Variants in CAB39 observed in about 807,000 individuals in gnomAD.
CAB39 encodes the protein calcium-binding protein 39.
Under a neutral mutation model 40.0 loss-of-function variants are expected in CAB39, and 8 were observed. That is an observed-to-expected ratio of 0.20 (90% confidence interval 0.12 to 0.36). The LOEUF (loss-of-function observed/expected upper bound fraction) is 0.36, where lower values mean the gene tolerates loss of function less well. Among genes scored for constraint, CAB39 ranks in the 10% least tolerant of loss-of-function variants. The probability of loss-of-function intolerance (pLI) is 1.00; values close to 1 mark genes in which losing one functional copy is unlikely to be tolerated. For missense variants in CAB39, 270 were observed against 401.1 expected (o/e 0.67, Z 2.79); for synonymous variants, 156 against 141.6 (o/e 1.10, Z -0.72).
Position 230,790,880 on chromosome 2 carries a change from A to G in CAB39, c.123A>G (p.Glu41=). The G allele has an allele frequency of 6.2e-7, 1 of 1,602,336 alleles. No homozygotes were observed. The highest frequency in any genetic ancestry group is 8.5e-7 in the Non-Finnish European group (1 of 1,176,826). The stretch of plus-strand genomic sequence containing the variant: ...CCTCTCTCTAAAATTAGGCTACAGA[A>G]GAAGTTTCCAAAAATCTGGTTGCCA... ...ISDKKAEKAT[E]EVSKNLVAMK... The change falls in exon 3 of 9, where the codon GAA becomes GAG. Residue 41 remains glutamate (E), a synonymous_variant. Coordinates refer to ENST00000258418, the MANE Select transcript of CAB39 (RefSeq NM_016289.4).
At chr2:230,773,776 C>T (rs1330163480) in intron 2 of CAB39, among the ~76,000 whole-genome samples, 1 of 152,068 alleles carries the variant, frequency 6.6e-6, no homozygotes, top group Non-Finnish European at 1.5e-5. Context: ...TCGAACTGAT[C>T]GTGGCAGGAG....
At chr2:230,773,977 A>G (rs774359119) in intron 2 of CAB39, among the ~76,000 whole-genome samples, 76 of 152,190 alleles carry the variant, frequency 5.0e-4, no homozygotes, top group Non-Finnish European at 9.3e-4. Flanking sequence ...CACTGTTGAC[A>G]TATCCTTACA....
At chr2:230,737,325 G>C (rs1400430329) in intron 1 of CAB39, among the ~76,000 whole-genome samples, 2 of 152,222 alleles carry the variant, frequency 1.3e-5, no homozygotes, top group East Asian at 1.9e-4. Context: ...CAAAACTTCA[G>C]TGCCTGGATT....
At chr2:230,778,400 TGTCTTCTCGA>T (rs1243096181) in intron 2 of CAB39, among the ~76,000 whole-genome samples, 1 of 152,240 alleles carries the variant, frequency 6.6e-6, no homozygotes, top group Non-Finnish European at 1.5e-5. Flanking sequence ...GTATGTGAGC[TGTCTTCTCGA>T]GTCTTCTGAA....
intron 1 of CAB39, among the ~76,000 whole-genome samples, chr2:230,748,831 A>AAAAAAAAAAAAATAT (rs1386799920): frequency 3.5e-5 from 1 of 28,510 alleles, no homozygotes; most frequent in African/African-American, 1.3e-4. Context: ...AAAAAAAAAA[A>AAAAAAAAAAAAATAT]ATATATATAT....
intron 2 of CAB39, among the ~76,000 whole-genome samples, chr2:230,769,030 TA>T (rs368842716): frequency 1.4e-3 from 212 of 152,274 alleles, no homozygotes; most frequent in African/African-American, 4.8e-3. Flanking sequence ...GTTAGCAACT[TA>T]AAATAGGTTA....
chr2:230,723,438 C>T (rs988385600), intron 1 of CAB39, among the ~76,000 whole-genome samples: 1 of 152,214 alleles, frequency 6.6e-6, no homozygotes, highest in African/African-American at 2.4e-5. Flanking sequence ...AAGCAAGTCT[C>T]TGATTCAACA....
Position 230,819,217 on chromosome 2 carries a change from G to A in CAB39, c.*513G>A, listed in dbSNP as rs192785949. ...AAATGGGAGTTTGGGGGCAGCTAAAGTTGACATGCGAATAAATTGATACTG... is the reference window on the plus strand; with the variant it reads ...AAATGGGAGTTTGGGGGCAGCTAAAATTGACATGCGAATAAATTGATACTG... On this transcript the variant is annotated 3_prime_UTR_variant, in exon 9 of 9. Transcript: ENST00000258418. The A allele has an allele frequency of 6.6e-6, 1 of 152,368 alleles. No homozygotes were observed. Among genetic ancestry groups the A allele is most frequent in the African/African-American group, 2.4e-5 (1 of 41,456 alleles). The allele number at this position is 152,368 out of a possible 1,614,324, so 9.4% of individuals were successfully genotyped here.
chr2:230,803,615 G>GACAA (rs1367576718), intron 5 of CAB39, among the ~76,000 whole-genome samples: 1 of 151,688 alleles, frequency 6.6e-6, no homozygotes, highest in Non-Finnish European at 1.5e-5. Flanking sequence ...ACCAATAACA[G>GACAA]ACAGAGAGCC....
At chr2:230,732,718 G>A (rs571263912) in intron 1 of CAB39, among the ~76,000 whole-genome samples, 2 of 152,288 alleles carry the variant, frequency 1.3e-5, no homozygotes, top group South Asian at 4.2e-4. Flanking sequence ...AGATCAGCCT[G>A]TTCTGATTAT....
chr2:230,795,820 C>G (rs1186095011), intron 4 of CAB39, among the ~76,000 whole-genome samples: 1 of 152,042 alleles, frequency 6.6e-6, no homozygotes, highest in Non-Finnish European at 1.5e-5. Flanking sequence ...CCAAAATAGT[C>G]TCATTTTTTA....
intron 1 of CAB39, among the ~76,000 whole-genome samples, chr2:230,718,545 T>A (rs1694392320): frequency 6.6e-6 from 1 of 152,212 alleles, no homozygotes; most frequent in Admixed American, 6.5e-5. Flanking sequence ...TGCTGTGGGC[T>A]CTATAACCTT....
At chr2:230,803,735 G>A (rs140160096) in intron 5 of CAB39, among the ~76,000 whole-genome samples, 3,415 of 152,234 alleles carry the variant, frequency 0.022, 126 homozygotes, top group African/African-American at 0.077. Flanking sequence ...ACAAACCACT[G>A]CTCAACGAAA....
At chr2:230,735,059 G>A (rs79146585) in intron 1 of CAB39, among the ~76,000 whole-genome samples, 155 of 152,184 alleles carry the variant, frequency 1.0e-3, no homozygotes, top group Non-Finnish European at 1.9e-3. Flanking sequence ...TTTGCTGGTC[G>A]CCTGCCCTGA....
intron 1 of CAB39, among the ~76,000 whole-genome samples, chr2:230,748,014 C>A (rs1444461613): frequency 6.6e-6 from 1 of 152,006 alleles, no homozygotes; most frequent in Non-Finnish European, 1.5e-5. Flanking sequence ...GCCAAAATAT[C>A]TTTTTTTCAG....
intron 6 of CAB39, 54 bp from the exon 7 acceptor site, chr2:230,813,995 T>TTTTTTTTTTTTG (rs1696352735): frequency 2.3e-6 from 1 of 434,398 alleles, no homozygotes; most frequent in Non-Finnish European, 4.0e-6. Context: ...TTTTTTTTTT[T>TTTTTTTTTTTTG]TTTTTTTTTT....
chr2:230,749,168 C>T (rs974249887), intron 1 of CAB39, among the ~76,000 whole-genome samples: 1 of 151,652 alleles, frequency 6.6e-6, no homozygotes, highest in East Asian at 1.9e-4. Flanking sequence ...ATATACAATA[C>T]TTTAATGTGT....
intron 2 of CAB39, among the ~76,000 whole-genome samples, chr2:230,780,112 G>A (rs897055130): frequency 1.3e-5 from 2 of 152,166 alleles, no homozygotes; most frequent in African/African-American, 4.8e-5. Flanking sequence ...CAATTGCACA[G>A]GGGGTACCTG....
intron 1 of CAB39, among the ~76,000 whole-genome samples, chr2:230,715,296 G>T (rs1343529034): frequency 6.6e-6 from 1 of 152,150 alleles, no homozygotes; most frequent in African/African-American, 2.4e-5. Context: ...TACTAGTGTG[G>T]ACAGAACTTT....
Sources: allele counts gnomAD v4.1 joint callset (sites outside exome capture counted in the v4.1 genomes callset), GRCh38; gene constraint gnomAD v4.1.1; transcripts MANE v1.5; gene names NCBI Gene and HGNC (gene_info 2026-07-23, HGNC 2026-07-21).